REC114: variants seen among roughly 807,000 people sequenced by gnomAD.
REC114 encodes the protein REC114 meiotic recombination protein.
In REC114, 27 loss-of-function variants were observed where a neutral mutation model predicts 31.3. The observed-to-expected ratio is 0.86, with a 90% confidence interval of 0.64 to 1.19. The LOEUF (loss-of-function observed/expected upper bound fraction) is 1.19, where lower values mean the gene tolerates loss of function less well. Among genes scored for constraint, REC114 ranks in the 50% most tolerant of loss-of-function variants. The probability of loss-of-function intolerance (pLI) is 0.00; values close to 1 mark genes in which losing one functional copy is unlikely to be tolerated. For missense variants in REC114, 344 were observed against 326.9 expected, an observed-to-expected ratio of 1.05 and a Z score of -0.40; for synonymous variants, 134 against 127.7, an observed-to-expected ratio of 1.05 and a Z score of -0.33.
At chr15:73,453,032 A>G (rs1028273503) in intron 1 of REC114, among the ~76,000 whole-genome samples, 4 of 152,236 alleles carry the variant, frequency 2.6e-5, no homozygotes, top group East Asian at 3.8e-4. Flanking sequence ...TGAAAACCCT[A>G]GAAGAAGACC....
At chr15:73,535,510 T>C (rs1314357372) in intron 2 of REC114, among the ~76,000 whole-genome samples, 1 of 150,582 alleles carries the variant, frequency 6.6e-6, no homozygotes, top group Non-Finnish European at 1.5e-5. Context: ...AAACCACTGC[T>C]CAAGGAAATA....
intron 1 of REC114, among the ~76,000 whole-genome samples, chr15:73,448,021 C>T (rs939842863): frequency 2.0e-5 from 3 of 152,130 alleles, no homozygotes; most frequent in Admixed American, 6.5e-5. Context: ...GTGCCTACAC[C>T]ACCGAGGGCC....
rs1481091 is a variant in REC114 at position 73,527,574 on chromosome 15, T to C, written c.250-12911T>C. 8.7e-3 allele frequency among the ~76,000 whole-genome samples: 1,325 copies of C among 152,320 alleles called. 18 individuals are homozygous for C. Among genetic ancestry groups the C allele is most frequent in the African/African-American group, 0.03 (1,246 of 41,576 alleles). On this transcript the variant is annotated intron_variant, in intron 2 of 5. Coordinates refer to ENST00000331090, the MANE Select transcript of REC114 (RefSeq NM_001042367.2). ...TTTATCAGATATCACAGTCCTGTAC[T>C]GTCTATTTTCTACTGTCTGAAAATA...
chr15:73,521,186 C>T (rs772746461), intron 2 of REC114, among the ~76,000 whole-genome samples: 1 of 152,156 alleles, frequency 6.6e-6, no homozygotes, highest in Non-Finnish European at 1.5e-5. Context: ...GAGACTTCAA[C>T]ACACCCCTCT....
Position 73,528,144 on chromosome 15 carries a change from G to A in REC114, c.250-12341G>A, listed in dbSNP as rs1894030756. 4.6e-5 allele frequency among the ~76,000 whole-genome samples: 7 copies of A among 152,154 alleles called. No individual in the cohort carries two copies. The South Asian group carries it at 1.0e-3, about 23-fold the overall frequency. Reference sequence around the variant, plus strand: ...TTGAAAGCTGACAAATACAAGAAATGAGGGTGAGCATTTATCCCACCTTTC... The same window carrying A: ...TTGAAAGCTGACAAATACAAGAAATAAGGGTGAGCATTTATCCCACCTTTC... On this transcript the variant is annotated intron_variant, in intron 2 of 5. Transcript: ENST00000331090.
At chr15:73,523,373 T>C (rs1210550706) in intron 2 of REC114, among the ~76,000 whole-genome samples, 3 of 151,058 alleles carry the variant, frequency 2.0e-5, no homozygotes, top group African/African-American at 7.3e-5. Context: ...ACAGAACAGC[T>C]GGAATGGTTA....
chr15:73,521,406 A>G (rs1404672724), intron 2 of REC114, among the ~76,000 whole-genome samples: 1 of 152,208 alleles, frequency 6.6e-6, no homozygotes, highest in Non-Finnish European at 1.5e-5. Flanking sequence ...AAAAGATGTA[A>G]GAGTGAAAAT....
At chr15:73,546,245 G>A (rs539380183) in intron 3 of REC114, among the ~76,000 whole-genome samples, 9 of 151,702 alleles carry the variant, frequency 5.9e-5, no homozygotes, top group African/African-American at 1.7e-4. Flanking sequence ...CTTCAGTGTC[G>A]GAGGGAAATG....
rs1893158800 is a variant in REC114, at chr15:73,473,268, A to G, written c.160-564A>G. On this transcript the variant is annotated intron_variant, in intron 1 of 5. Transcript: ENST00000331090. ...ACCGGGCATGGTGGCGCATGCCTGT[A>G]ATCCCAGCTACTCGCGAGGCTGAGG... 2.6e-5 allele frequency among the ~76,000 whole-genome samples: 4 copies of G among 152,288 alleles called. No homozygotes were observed. In the South Asian group the frequency reaches 8.3e-4, roughly 32 times the overall value.
intron 2 of REC114, among the ~76,000 whole-genome samples, chr15:73,533,437 A>G (rs1894112370): frequency 7.1e-6 from 1 of 140,272 alleles, no homozygotes; most frequent in South Asian, 2.4e-4. Flanking sequence ...AAAGAGACAA[A>G]GAAGGCCATT....
chr15:73,448,767 G>C (rs911343342), intron 1 of REC114, among the ~76,000 whole-genome samples: 3 of 152,168 alleles, frequency 2.0e-5, no homozygotes, highest in Admixed American at 2.0e-4. Flanking sequence ...GGCATCTGGG[G>C]GGTGCCCCTC....
rs571246582 is a variant in REC114, at chr15:73,539,332, C to T, written c.250-1153C>T. Among the ~76,000 whole-genome samples the T allele has an allele frequency of 2.2e-5, 3 of 139,082 alleles. No individual in the cohort carries two copies. In the East Asian group the frequency reaches 6.3e-4, roughly 29 times the overall value. The allele number at this position is 139,082 out of a possible 152,430, so 91.2% of individuals were successfully genotyped here. On this transcript the variant is annotated intron_variant, in intron 2 of 5. Transcript: ENST00000331090. ...TTGAGACGGAATCTCACTCTGTCCCCCAGACTGGAGTGCAGTGGCGCAATC... is the reference window on the plus strand; with the variant it reads ...TTGAGACGGAATCTCACTCTGTCCCTCAGACTGGAGTGCAGTGGCGCAATC...
At chr15:73,495,469 T>TA (rs973666273) in intron 2 of REC114, among the ~76,000 whole-genome samples, 5 of 144,406 alleles carry the variant, frequency 3.5e-5, no homozygotes, top group Admixed American at 2.1e-4. Flanking sequence ...AAACAAAACA[T>TA]AAATACCACA....
At chr15:73,501,375 A>G (rs1193740695) in intron 2 of REC114, among the ~76,000 whole-genome samples, 1 of 152,200 alleles carries the variant, frequency 6.6e-6, no homozygotes, top group Non-Finnish European at 1.5e-5. Context: ...TAAAAATAAA[A>G]AGCCATAGGA....
chr15:73,541,839 T>C (rs1276225447), intron 3 of REC114, among the ~76,000 whole-genome samples: 1 of 152,144 alleles, frequency 6.6e-6, no homozygotes, highest in African/African-American at 2.4e-5. Context: ...TAAATATACA[T>C]TATTACTAAA....
chr15:73,546,602 A>G (rs929571677), intron 3 of REC114, among the ~76,000 whole-genome samples: 13 of 152,182 alleles, frequency 8.5e-5, no homozygotes, highest in African/African-American at 3.1e-4. Context: ...CACACACAAT[A>G]TATATAACCT....
At chr15:73,508,779 A>AT (rs1212024377) in intron 2 of REC114, among the ~76,000 whole-genome samples, 1 of 151,200 alleles carries the variant, frequency 6.6e-6, no homozygotes, top group Non-Finnish European at 1.5e-5. Context: ...TGAACTCATC[A>AT]TTTTTTATGG....
intron 2 of REC114, among the ~76,000 whole-genome samples, chr15:73,510,781 C>A (rs1893752840): frequency 6.7e-6 from 1 of 148,558 alleles, no homozygotes; most frequent in African/African-American, 2.5e-5. Flanking sequence ...CCTTGCATCC[C>A]AGGGATGAAG....
intron 1 of REC114, among the ~76,000 whole-genome samples, chr15:73,443,874 TAG>T (rs1000121537): frequency 6.6e-6 from 1 of 152,176 alleles, no homozygotes; most frequent in Non-Finnish European, 1.5e-5. Flanking sequence ...TGTCTTAAAA[TAG>T]AGATAATAAT....
Sources: allele counts gnomAD v4.1 joint callset (sites outside exome capture counted in the v4.1 genomes callset), GRCh38; gene constraint gnomAD v4.1.1; transcripts MANE v1.5; gene names NCBI Gene and HGNC (gene_info 2026-07-23, HGNC 2026-07-21).